PCDHGA8: variants seen among roughly 807,000 people sequenced by gnomAD.
PCDHGA8 encodes protocadherin gamma subfamily A, 8.
A neutral mutation model predicts 59.2 loss-of-function variants in PCDHGA8; 45 were observed. That is an observed-to-expected ratio of 0.76 (90% CI 0.60 to 0.98). PCDHGA8 has a LOEUF of 0.98. Among genes scored for constraint, PCDHGA8 ranks in the 50% least tolerant of loss-of-function variants. The pLI is 0.00. For synonymous variants in PCDHGA8, 531 were observed against 519.0 expected, an observed-to-expected ratio of 1.02 and a Z score of -0.32; for missense variants, 1,257 against 1,196.2, an observed-to-expected ratio of 1.05 and a Z score of -0.75.
At chr5:141,404,000 A>G (rs758512396) in intron 1 of PCDHGA8, 1 of 1,613,956 alleles carries the variant, frequency 6.2e-7, no homozygotes. Flanking sequence ...AGTGACCATT[A>G]CATCTCTGTT....
Position 141,392,647 on chromosome 5 carries a change from C to A in PCDHGA8, c.-167C>A. 1.5e-6 allele frequency: 1 copy of A among 685,816 alleles called. No individual in the cohort carries two copies. Among genetic ancestry groups the A allele is most frequent in the Non-Finnish European group, 2.3e-6 (1 of 431,796 alleles). 42.5% of individuals were successfully genotyped at this position (685,816 alleles called of 1,614,324 possible). ...ACTCAGATCTCACACCTCACGAAGA[C>A]CCGCAGATGCCACAAACTAACTGCT... On this transcript the variant is annotated 5_prime_UTR_variant, in exon 1 of 4. Coordinates refer to ENST00000398604, the MANE Select transcript of PCDHGA8 (RefSeq NM_032088.2).
intron 1 of PCDHGA8, chr5:141,404,551 G>A (rs764332245): frequency 1.9e-5 from 31 of 1,613,748 alleles, no homozygotes; most frequent in African/African-American, 1.1e-4. Flanking sequence ...TGCAGGTGAC[G>A]GCAAGTGACA....
chr5:141,394,472 G>C lies in PCDHGA8; in HGVS notation c.1659G>C (p.Leu553=). The C allele has an allele frequency of 1.2e-6, 2 of 1,614,242 alleles. No individual in the cohort carries two copies. The highest frequency in any genetic ancestry group is 2.2e-5 in the East Asian group (1 of 44,882). The change falls in exon 1 of 4, where the codon CTG becomes CTC. Residue 553 remains leucine (L), a synonymous_variant. Transcript: ENST00000398604. ...SSNMSLSLFV[L]DQNDNAPEIL... The stretch of plus-strand genomic sequence containing the variant: ...ACATGTCACTGAGCCTGTTCGTGCT[G>C]GACCAGAATGACAACGCGCCCGAGA...
intron 1 of PCDHGA8, chr5:141,398,873 T>G (rs2093718804): frequency 5.0e-6 from 8 of 1,613,254 alleles, no homozygotes; most frequent in Non-Finnish European, 6.8e-6. Context: ...GTGTACAGAG[T>G]CAGCCTTCGG....
intron 1 of PCDHGA8, among the ~76,000 whole-genome samples, chr5:141,482,765 T>C (rs2099572013): frequency 7.9e-6 from 1 of 127,068 alleles, no homozygotes; most frequent in African/African-American, 3.6e-5. Flanking sequence ...TATTTCATTA[T>C]CACTGAACCT....
intron 1 of PCDHGA8, among the ~76,000 whole-genome samples, chr5:141,462,117 C>G (rs965365318): frequency 6.6e-6 from 1 of 152,170 alleles, no homozygotes; most frequent in African/African-American, 2.4e-5. Flanking sequence ...GCCACTGCAC[C>G]CAGTCCAATT....
Position 141,393,446 on chromosome 5 carries a change from C to A in PCDHGA8, c.633C>A (p.Val211=), listed in dbSNP as rs572838831. 1 of 1,614,038 alleles carries A rather than the reference C, an allele frequency of 6.2e-7. No homozygotes were observed. The highest frequency in any genetic ancestry group is 2.2e-5 in the East Asian group (1 of 44,874). ...DREEEAAHHL[V]LTASDGGKPP... ...AGGAAGAGGCTGCTCACCACCTGGT[C>A]CTCACGGCCTCGGATGGCGGCAAGC... is the stretch of plus-strand genomic sequence containing the variant. The change falls in exon 1 of 4, where the codon GTC becomes GTA. Residue 211 remains valine, a synonymous_variant. Transcript: ENST00000398604.
At chr5:141,460,043 A>G (rs527752346) in intron 1 of PCDHGA8, among the ~76,000 whole-genome samples, 1 of 152,276 alleles carries the variant, frequency 6.6e-6, no homozygotes, top group South Asian at 2.1e-4. Context: ...GCACCACTGC[A>G]CTCCAGCCTG....
At position 141,431,321 on chromosome 5, in the gene PCDHGA8, G is replaced by T. The variant is rs112186927; in HGVS notation, c.2424+36084G>T. 1,258 of 1,614,054 alleles carry T rather than the reference G, an allele frequency of 7.8e-4. 11 individuals are homozygous for T. In the African/African-American group the frequency reaches 0.014, roughly 18 times the overall value. Reference sequence around the variant, plus strand: ...CCTCATCGTGCAAAATGGAGCCGACGGTAGTAAGTACCCCGAATTGGTGCT... The same window carrying T: ...CCTCATCGTGCAAAATGGAGCCGACTGTAGTAAGTACCCCGAATTGGTGCT... On this transcript the variant is annotated intron_variant, in intron 1 of 3. Transcript: ENST00000398604. This position sits in a 1 kb window ranked among gnomAD's most constrained non-coding sequence, Gnocchi z 4.8.
In PCDHGA8 at chr5:141,413,469, G is replaced by A. The variant is rs766765319; in HGVS notation, c.2424+18232G>A. 5 of 1,614,012 alleles carry A rather than the reference G, an allele frequency of 3.1e-6. No individual in the cohort carries two copies. The African/African-American group carries it at 5.3e-5, about 17-fold the overall frequency. On this transcript the variant is annotated intron_variant, in intron 1 of 3. Transcript: ENST00000398604. ...CCGCGGGCAGGATAGACCGGGAGGA[G>A]CTCTGCGCTCAGAGCGCGCGGTGCG...
At chr5:141,407,873 A>C (rs561323423) in intron 1 of PCDHGA8, 1 of 354,804 alleles carries the variant, frequency 2.8e-6, no homozygotes, top group African/African-American at 2.1e-5. Flanking sequence ...CGAAGAATAT[A>C]TACATTTCGG....
intron 1 of PCDHGA8, chr5:141,419,944 C>T (rs1375807568): frequency 6.2e-7 from 1 of 1,614,066 alleles, no homozygotes; most frequent in South Asian, 1.1e-5. Flanking sequence ...TGGTGGTGGC[C>T]TTGGCCTTGA....
Position 141,476,191 on chromosome 5 carries a change from C to T in PCDHGA8, c.2425-18616C>T. The T allele has an allele frequency of 6.2e-7, 1 of 1,613,860 alleles. No homozygotes were observed. The highest frequency in any genetic ancestry group is 8.5e-7 in the Non-Finnish European group (1 of 1,180,006). ...TGGGAGTTTTGCTTCTGCTTGGTGC[C>T]TTGAACAAGGCTTCCACGGTCATTC... On this transcript the variant is annotated intron_variant, in intron 1 of 3. Transcript: ENST00000398604. This position sits in a 1 kb window ranked among gnomAD's most constrained non-coding sequence, Gnocchi z 7.6.
chr5:141,461,167 C>T (rs917796588), intron 1 of PCDHGA8, among the ~76,000 whole-genome samples: 2 of 151,968 alleles, frequency 1.3e-5, no homozygotes, highest in Non-Finnish European at 2.9e-5. Context: ...AGTGGGATTG[C>T]TGGATTGAAT....
chr5:141,453,032 G>A (rs2098754281), intron 1 of PCDHGA8, among the ~76,000 whole-genome samples: 1 of 152,132 alleles, frequency 6.6e-6, no homozygotes, highest in Admixed American at 6.5e-5. Flanking sequence ...TTAAAATAAA[G>A]TTTGTTTCTA....
chr5:141,400,233 C>T lies in PCDHGA8; in HGVS notation c.2424+4996C>T, dbSNP rs373858401. ...TGATCTCAGTGCTCTTCCTCCTGGCCGTGATTCTGGCCGTTGCCTTGCGCC... is the reference window on the plus strand; with the variant it reads ...TGATCTCAGTGCTCTTCCTCCTGGCTGTGATTCTGGCCGTTGCCTTGCGCC... On this transcript the variant is annotated intron_variant, in intron 1 of 3. Coordinates refer to ENST00000398604, the MANE Select transcript of PCDHGA8 (RefSeq NM_032088.2). 100 of 1,613,988 alleles carry T rather than the reference C, an allele frequency of 6.2e-5. 1 individual carries two copies. The African/African-American group carries it at 1.1e-3, about 18-fold the overall frequency.
chr5:141,493,440 G>A lies in PCDHGA8; in HGVS notation c.2425-1367G>A, dbSNP rs2099748297. The stretch of plus-strand genomic sequence containing the variant: ...TTTTGCTTCTGCTGGGATGGGGCAA[G>A]GGTGGGGTTCCTTCCCTTTTAGGAC... On this transcript the variant is annotated intron_variant, in intron 1 of 3. Coordinates refer to ENST00000398604, the MANE Select transcript of PCDHGA8 (RefSeq NM_032088.2). The surrounding 1 kb of genome is among the most constrained non-coding windows in gnomAD (Gnocchi z 4.3). Among the ~76,000 whole-genome samples, 1 of 152,208 alleles carries A rather than the reference G, an allele frequency of 6.6e-6. No homozygotes were observed. Among genetic ancestry groups the A allele is most frequent in the African/African-American group, 2.4e-5 (1 of 41,450 alleles).
chr5:141,419,730 G>A (rs747960969), intron 1 of PCDHGA8: 9 of 1,613,746 alleles, frequency 5.6e-6, no homozygotes, highest in Non-Finnish European at 7.6e-6. Context: ...CTGCGAACAG[G>A]CGAGGTGCGC....
In PCDHGA8 at chr5:141,431,464, G is replaced by C. The variant is rs1413324509; in HGVS notation, c.2424+36227G>C. On this transcript the variant is annotated intron_variant, in intron 1 of 3. Coordinates refer to ENST00000398604, the MANE Select transcript of PCDHGA8 (RefSeq NM_032088.2). This position sits in a 1 kb window ranked among gnomAD's most constrained non-coding sequence, Gnocchi z 4.8. ...GCATCCGCGTGATGGTTCTGGATGCGAACGACAACGCACCAGCGTTTGCTC... is the reference window on the plus strand; with the variant it reads ...GCATCCGCGTGATGGTTCTGGATGCCAACGACAACGCACCAGCGTTTGCTC... The C allele has an allele frequency of 6.2e-7, 1 of 1,613,664 alleles. No individual in the cohort carries two copies. Among genetic ancestry groups the C allele is most frequent in the African/African-American group, 1.3e-5 (1 of 74,950 alleles).
Sources: gnomAD v4.1 joint callset for allele counts (sites outside exome capture counted in the v4.1 genomes callset) on GRCh38, gnomAD v4.1.1 for gene constraint, Gnocchi (gnomAD v3.1) non-coding constraint, MANE v1.5 for transcripts, NCBI Gene and HGNC (gene_info 2026-07-23, HGNC 2026-07-21) for gene names.